Variants in CNTLN observed in about 807,000 individuals in gnomAD.
CNTLN encodes centlein, centrosomal protein.
A neutral mutation model predicts 180.0 loss-of-function variants in CNTLN; 212 were observed. The observed-to-expected ratio is 1.18, with a 90% confidence interval of 1.05 to 1.32. The LOEUF is 1.32. Ranked by LOEUF, CNTLN falls within the 40% of genes most tolerant of loss-of-function variation. The probability of loss-of-function intolerance (pLI) is 0.00; values close to 1 mark genes in which losing one functional copy is unlikely to be tolerated. For missense variants in CNTLN, 2,095 were observed against 1,610.9 expected (o/e 1.30, Z -5.14); for synonymous variants, 722 against 563.1 (o/e 1.28, Z -3.99).
At chr9:17,160,298 C>G (rs1025010199) in intron 2 of CNTLN, among the ~76,000 whole-genome samples, 10 of 152,054 alleles carry the variant, frequency 6.6e-5, no homozygotes, top group Admixed American at 1.3e-4. Context: ...CTTTGTATAT[C>G]CATTGTCGTG....
chr9:17,325,396 G>T (rs1424103319), intron 8 of CNTLN, among the ~76,000 whole-genome samples: 3 of 150,606 alleles, frequency 2.0e-5, no homozygotes, highest in Non-Finnish European at 4.4e-5. Flanking sequence ...GTGTGTGTGT[G>T]TGTGTGTGTG....
intron 20 of CNTLN, among the ~76,000 whole-genome samples, chr9:17,464,198 TAAATG>T (rs1297528586): frequency 6.6e-6 from 1 of 151,400 alleles, no homozygotes; most frequent in Admixed American, 6.6e-5. Context: ...AAATGTAATT[TAAATG>T]AAATAGTTCT....
chr9:17,473,657 A>G (rs1832162345), intron 23 of CNTLN, among the ~76,000 whole-genome samples: 1 of 151,680 alleles, frequency 6.6e-6, no homozygotes, highest in South Asian at 2.1e-4. Context: ...CTAACTGCTG[A>G]CTCATTTTTC....
At chr9:17,232,841 A>G (rs542300495) in intron 3 of CNTLN, among the ~76,000 whole-genome samples, 1 of 152,022 alleles carries the variant, frequency 6.6e-6, no homozygotes, top group Non-Finnish European at 1.5e-5. Context: ...TTTATTGAGG[A>G]GGTGGAAGTC....
rs148548260 is a variant in CNTLN, at chr9:17,271,963, A to G, written c.850-1770A>G. Reference sequence around the variant, plus strand: ...CTATTTTAGTATATTCTGTATATTTATAGTCCTTTTGAATTGGTTCCCATA... The same window carrying G: ...CTATTTTAGTATATTCTGTATATTTGTAGTCCTTTTGAATTGGTTCCCATA... On this transcript the variant is annotated intron_variant, in intron 5 of 25. Coordinates refer to ENST00000380647, the MANE Select transcript of CNTLN (RefSeq NM_017738.4). 5.1e-3 allele frequency among the ~76,000 whole-genome samples: 776 copies of G among 152,120 alleles called. 5 individuals are homozygous for G. Among genetic ancestry groups the G allele is most frequent in the African/African-American group, 0.017 (719 of 41,492 alleles).
chr9:17,289,734 C>G (rs1286517691), intron 6 of CNTLN, among the ~76,000 whole-genome samples: 1 of 143,296 alleles, frequency 7.0e-6, no homozygotes, highest in East Asian at 2.0e-4. Context: ...CTCTAACCTT[C>G]CCTTCTCACT....
chr9:17,231,590 T>C (rs993768787), intron 3 of CNTLN, among the ~76,000 whole-genome samples: 1 of 152,148 alleles, frequency 6.6e-6, no homozygotes, highest in African/African-American at 2.4e-5. Flanking sequence ...TTCCTTACCT[T>C]CTAGGAAGCT....
At chr9:17,346,951 A>G (rs1462612828) in intron 12 of CNTLN, among the ~76,000 whole-genome samples, 1 of 152,024 alleles carries the variant, frequency 6.6e-6, no homozygotes, top group Non-Finnish European at 1.5e-5. Context: ...AGATTTGGTA[A>G]TTTCTATTGT....
At chr9:17,525,869 A>C in the CNTLN span, among the ~76,000 whole-genome samples, 1 of 152,226 alleles carries the variant, frequency 6.6e-6, no homozygotes, top group African/African-American at 2.4e-5. Context: ...CATTTCTTAA[A>C]ATAACAATAC....
chr9:17,460,616 T>A (rs576989975), intron 19 of CNTLN, among the ~76,000 whole-genome samples: 9 of 151,944 alleles, frequency 5.9e-5, no homozygotes, highest in African/African-American at 2.2e-4. Flanking sequence ...AAATAGCTGT[T>A]AGATTTAGAG....
At chr9:17,507,714 G>A (rs1205883903), downstream of CNTLN, among the ~76,000 whole-genome samples, 2 of 152,130 alleles carry the variant, frequency 1.3e-5, no homozygotes, top group South Asian at 2.1e-4. Context: ...AAAAAGCTTC[G>A]ACTTTTAATT....
intron 16 of CNTLN, among the ~76,000 whole-genome samples, chr9:17,409,974 T>A (rs1028695882): frequency 1.3e-5 from 2 of 152,248 alleles, no homozygotes; most frequent in South Asian, 4.1e-4. Context: ...AGTGAAAAAT[T>A]AAGGAAAGTT....
rs780240889 is a variant in CNTLN at position 17,466,134 on chromosome 9, G to T, written c.3669+16G>T. 3 of 1,584,114 alleles carry T rather than the reference G, an allele frequency of 1.9e-6. No individual in the cohort carries two copies. Among genetic ancestry groups the T allele is most frequent in the Non-Finnish European group, 1.7e-6 (2 of 1,160,008 alleles). On this transcript the variant is annotated intron_variant, in intron 22 of 25. Transcript: ENST00000380647. Reference sequence around the variant, plus strand: ...AGAAAAAAAGGTATGCTTTTAAAAAGGGCATTTTAGATTACAGATGGAATA... The same window carrying T: ...AGAAAAAAAGGTATGCTTTTAAAAATGGCATTTTAGATTACAGATGGAATA...
At chr9:17,394,444 T>C (rs1416075925) in intron 14 of CNTLN, 90 bp from the exon 15 acceptor site, 3 of 1,004,326 alleles carry the variant, frequency 3.0e-6, no homozygotes, top group East Asian at 2.7e-5. Context: ...TTGTGCTAAA[T>C]GTGATTTTTA....
intron 10 of CNTLN, among the ~76,000 whole-genome samples, chr9:17,334,962 A>G (rs1447399505): frequency 6.6e-6 from 1 of 151,536 alleles, no homozygotes; most frequent in African/African-American, 2.4e-5. Context: ...GAGAGCCAGG[A>G]GAGCTGATGG....
At chr9:17,206,245 C>G (rs954906781) in intron 2 of CNTLN, among the ~76,000 whole-genome samples, 1 of 152,110 alleles carries the variant, frequency 6.6e-6, no homozygotes, top group Non-Finnish European at 1.5e-5. Context: ...ACCAAACAGT[C>G]TATTTTTGCC....
At chr9:17,235,158 G>A (rs16935416) in intron 3 of CNTLN, among the ~76,000 whole-genome samples, 18,103 of 152,012 alleles carry the variant, frequency 0.12, 1,370 homozygotes, top group African/African-American at 0.21. Flanking sequence ...AAAAATTTTG[G>A]CAGCCTTAAC....
intron 18 of CNTLN, 120 bp from the exon 19 acceptor site, chr9:17,457,404 A>T: frequency 1.8e-6 from 1 of 555,788 alleles, no homozygotes; most frequent in Non-Finnish European, 2.7e-6. Context: ...TAATAACTAT[A>T]ATTAATTTCA....
intron 5 of CNTLN, among the ~76,000 whole-genome samples, chr9:17,270,808 TTC>T (rs201703485): frequency 0.01 from 1,540 of 152,202 alleles, 26 homozygotes; most frequent in African/African-American, 0.034. Flanking sequence ...TTTCTATTTT[TTC>T]TTTTTTTGAA....
Sources: allele counts gnomAD v4.1 joint callset (sites outside exome capture counted in the v4.1 genomes callset), GRCh38; gene constraint gnomAD v4.1.1; transcripts MANE v1.5; gene names NCBI Gene and HGNC (gene_info 2026-07-23, HGNC 2026-07-21).